TTC13: variants seen among roughly 807,000 people sequenced by gnomAD.
The protein encoded by TTC13 is tetratricopeptide repeat domain 13, also known as tetratricopeptide repeat protein 13.
TTC13 carries 62 observed loss-of-function variants against 120.0 expected under a neutral mutation model. The ratio of observed to expected loss-of-function variants is 0.52; its 90% CI spans 0.42 to 0.64. The LOEUF (loss-of-function observed/expected upper bound fraction) is 0.64. Ranked by LOEUF, TTC13 falls within the 30% of genes least tolerant of loss-of-function variation. The probability of loss-of-function intolerance (pLI) is 0.00; values close to 1 mark genes in which losing one functional copy is unlikely to be tolerated. For missense variants in TTC13, 824 were observed against 1,050.2 expected (o/e 0.78, Z 2.98); for synonymous variants, 384 against 393.5 (o/e 0.98, Z 0.28).
At chr1:230,915,793 C>CTA (rs1553279440) in intron 18 of TTC13, among the ~76,000 whole-genome samples, 23 of 146,540 alleles carry the variant, frequency 1.6e-4, no homozygotes, top group East Asian at 7.8e-4. Flanking sequence ...CTCTCTCTCT[C>CTA]TCTCTATATA....
intron 19 of TTC13, 67 bp downstream of exon 19, chr1:230,912,556 A>G: frequency 6.5e-7 from 1 of 1,541,662 alleles, no homozygotes; most frequent in Non-Finnish European, 8.8e-7. Context: ...GTGAAAGGGC[A>G]GAGGTTCAAA....
chr1:230,978,476 G>A lies in TTC13; in HGVS notation c.271+84C>T, dbSNP rs1678603546. ...CGCCGCAGCCGGAGGCGTGAGGCCC[G>A]GGCGACCCGTACCCCGGCCCGGGAC... On this transcript the variant is annotated intron_variant, in intron 1 of 22. Transcript: ENST00000366661. This position sits in a 1 kb window ranked among gnomAD's most constrained non-coding sequence, Gnocchi z 5.6. 5.3e-6 allele frequency: 2 copies of A among 374,216 alleles called. No homozygotes were observed. The highest frequency in any genetic ancestry group is 4.5e-6 in the Non-Finnish European group (1 of 221,952). 23.2% of individuals were successfully genotyped at this position (374,216 alleles called of 1,614,324 possible).
At chr1:230,917,425 G>A (rs1053461597) in intron 17 of TTC13, among the ~76,000 whole-genome samples, 21 of 152,118 alleles carry the variant, frequency 1.4e-4, no homozygotes, top group Admixed American at 2.6e-4. Context: ...GCCTCTAGGG[G>A]GCGCTGACAT....
chr1:230,921,730 T>C (rs1672593606), intron 15 of TTC13, among the ~76,000 whole-genome samples: 1 of 152,182 alleles, frequency 6.6e-6, no homozygotes, highest in Admixed American at 6.5e-5. Flanking sequence ...TCAAACTCAG[T>C]GCCAGATCAG....
At chr1:230,956,694 G>A in intron 3 of TTC13, 1 of 218,724 alleles carries the variant, frequency 4.6e-6, no homozygotes, top group South Asian at 5.1e-5. Context: ...ATCAAATGCA[G>A]TTTTCAAATC....
chr1:230,946,972 T>G (rs6677098), intron 4 of TTC13, among the ~76,000 whole-genome samples: 103,442 of 151,860 alleles, frequency 0.68, 35,329 homozygotes, highest in Admixed American at 0.72. Flanking sequence ...TGCACAGAAA[T>G]AAACTCCAAA....
intron 15 of TTC13, among the ~76,000 whole-genome samples, chr1:230,923,324 CAG>C (rs1672759818): frequency 6.6e-6 from 1 of 152,094 alleles, no homozygotes; most frequent in South Asian, 2.1e-4. Flanking sequence ...CTGGACAAAA[CAG>C]AAGTTTTCCA....
At chr1:230,909,093 C>T in intron 20 of TTC13, 73 bp from the exon 21 acceptor site, 1 of 1,199,656 alleles carries the variant, frequency 8.3e-7, no homozygotes, top group Non-Finnish European at 1.2e-6. Flanking sequence ...TCACCATGGA[C>T]TTCCCATCAT....
chr1:230,956,853 A>T (rs1156558520), intron 3 of TTC13, among the ~76,000 whole-genome samples: 5 of 152,190 alleles, frequency 3.3e-5, no homozygotes, highest in Non-Finnish European at 5.9e-5. Context: ...AAGCTGGTAT[A>T]ACTGGACTTC....
intron 1 of TTC13, among the ~76,000 whole-genome samples, chr1:230,974,929 T>C (rs12727782): frequency 0.24 from 36,702 of 152,156 alleles, 4,688 homozygotes; most frequent in Non-Finnish European, 0.28. Context: ...CTTGAAGTTA[T>C]AGGACTTCAT....
chr1:230,968,404 T>A lies in TTC13; in HGVS notation c.272-7101A>T, dbSNP rs541559721. 6.6e-5 allele frequency among the ~76,000 whole-genome samples: 10 copies of A among 152,310 alleles called. No homozygotes were observed. The South Asian group carries it at 2.1e-3, about 32-fold the overall frequency. On this transcript the variant is annotated intron_variant, in intron 1 of 22. Coordinates refer to ENST00000366661, the MANE Select transcript of TTC13 (RefSeq NM_024525.5). ...TCTAATTCATTTATACCAGCTTTGC[T>A]GTATTAGGCCTTCTAATTTCCCTTA...
intron 17 of TTC13, among the ~76,000 whole-genome samples, chr1:230,918,522 CAT>C (rs1672261783): frequency 6.6e-6 from 1 of 152,078 alleles, no homozygotes; most frequent in African/African-American, 2.4e-5. Context: ...GGAGGTGAGA[CAT>C]ATTCTCTGTG....
At chr1:230,922,494 A>T (rs552743737) in intron 15 of TTC13, among the ~76,000 whole-genome samples, 5 of 152,284 alleles carry the variant, frequency 3.3e-5, no homozygotes, top group Admixed American at 1.3e-4. Context: ...CATTGTCTTC[A>T]GGGGAAAAAA....
chr1:230,943,664 G>T, intron 6 of TTC13, 142 bp downstream of exon 6: 1 of 563,364 alleles, frequency 1.8e-6, no homozygotes. Context: ...TTTCAACCAT[G>T]CTTAAAGGCA....
intron 17 of TTC13, among the ~76,000 whole-genome samples, chr1:230,919,184 T>A (rs1672333283): frequency 6.6e-6 from 1 of 152,088 alleles, no homozygotes; most frequent in Non-Finnish European, 1.5e-5. Flanking sequence ...TCTAGCTTTT[T>A]GTTTGTTTGT....
At chr1:230,963,377 A>G (rs1385317170) in intron 1 of TTC13, among the ~76,000 whole-genome samples, 1 of 152,218 alleles carries the variant, frequency 6.6e-6, no homozygotes, top group East Asian at 1.9e-4. Flanking sequence ...GGTGACTCAC[A>G]CCTGCAATCC....
chr1:230,943,912 T>C lies in TTC13; in HGVS notation c.580-14A>G, dbSNP rs776513076. The stretch of plus-strand genomic sequence containing the variant: ...ATTCTTAATGTCCTTGAAAAGGCAT[T>C]AGCTTAGTATGAGACATACTGTTAC... On this transcript the variant is annotated splice_polypyrimidine_tract_variant and intron_variant, in intron 5 of 22. Coordinates refer to ENST00000366661, the MANE Select transcript of TTC13 (RefSeq NM_024525.5). 6 of 1,595,796 alleles carry C rather than the reference T, an allele frequency of 3.8e-6. No individual in the cohort carries two copies. In the East Asian group the frequency reaches 1.3e-4, roughly 36 times the overall value.
intron 18 of TTC13, among the ~76,000 whole-genome samples, 188 bp from the exon 19 acceptor site, chr1:230,912,946 G>A (rs1268674591): frequency 6.6e-6 from 1 of 152,194 alleles, no homozygotes; most frequent in Non-Finnish European, 1.5e-5. Context: ...TTCATAAAAT[G>A]TGATAGTTGC....
At chr1:230,918,498 G>A (rs1398773699) in intron 17 of TTC13, among the ~76,000 whole-genome samples, 2 of 152,122 alleles carry the variant, frequency 1.3e-5, no homozygotes, top group African/African-American at 2.4e-5. Flanking sequence ...ATGACTTTGC[G>A]TGGACATTTT....
Sources: allele counts gnomAD v4.1 joint callset (sites outside exome capture counted in the v4.1 genomes callset), GRCh38; gene constraint gnomAD v4.1.1; non-coding constraint Gnocchi (gnomAD v3.1); transcripts MANE v1.5; gene names NCBI Gene and HGNC (gene_info 2026-07-23, HGNC 2026-07-21).